The following MYO1D variants were observed in gnomAD, a reference collection of about 807,000 sequenced individuals.
MYO1D encodes unconventional myosin-Id.
Under a neutral mutation model 122.0 loss-of-function variants are expected in MYO1D, and 83 were observed. The ratio of observed to expected loss-of-function variants is 0.68; its 90% confidence interval spans 0.57 to 0.82. MYO1D has a LOEUF of 0.82. Among genes scored for constraint, MYO1D ranks in the 40% least tolerant of loss-of-function variants. MYO1D has a pLI of 0.00. For synonymous variants in MYO1D, 464 were observed against 446.9 expected (o/e 1.04, Z -0.48); for missense variants, 1,157 against 1,269.5 (o/e 0.91, Z 1.35).
chr17:32,659,302 T>C lies in MYO1D; in HGVS notation c.2158A>G (p.Arg720Gly). The change falls in exon 17 of 22, where the codon AGA becomes GGA. Residue 720 changes from arginine (R) to glycine (G), a missense_variant. By Grantham distance (125) the Arg-to-Gly change is moderately radical. Coordinates refer to ENST00000318217, the MANE Select transcript of MYO1D (RefSeq NM_015194.3). ...RGTLARMRYKRTKAALTIIRY... is the reference protein window; with the variant it reads ...RGTLARMRYKGTKAALTIIRY... The stretch of plus-strand genomic sequence containing the variant: ...ATTATTGTCAGAGCTGCCTTGGTTC[T>C]TTTGTACCGCATGCGGGCCAGGGTG... 1 of 1,614,252 alleles carries C rather than the reference T, an allele frequency of 6.2e-7. No individual in the cohort carries two copies. The highest frequency in any genetic ancestry group is 8.5e-7 in the Non-Finnish European group (1 of 1,180,040).
intron 15 of MYO1D, among the ~76,000 whole-genome samples, chr17:32,715,033 GACAT>G (rs1488598686): frequency 6.6e-6 from 1 of 151,826 alleles, no homozygotes; most frequent in Non-Finnish European, 1.5e-5. Flanking sequence ...CTCAAAAAAA[GACAT>G]ACATGCGGCC....
intron 1 of MYO1D, among the ~76,000 whole-genome samples, chr17:32,788,413 T>C (rs2151034393): frequency 6.6e-6 from 1 of 152,210 alleles, no homozygotes; most frequent in East Asian, 1.9e-4. Context: ...ATTTTTATGC[T>C]TTCAGGTCTT....
Position 32,760,565 on chromosome 17 carries a change from C to T in MYO1D, c.1098G>A (p.Lys366=), listed in dbSNP as rs143249475. The T allele has an allele frequency of 9.3e-6, 15 of 1,613,690 alleles. No homozygotes were observed. The highest frequency in any genetic ancestry group is 1.3e-5 in the Non-Finnish European group (15 of 1,179,808). ...VTRINDIIEV[K]NYDTTIHGKN... Reference sequence around the variant, plus strand: ...TCCCATGGATTGTGGTGTCATAGTTCTTGACCTCAATAATATCATTGATGC... The same window carrying T: ...TCCCATGGATTGTGGTGTCATAGTTTTTGACCTCAATAATATCATTGATGC... Residue 366 remains lysine, a synonymous_variant, in exon 9 of 22, where the codon AAG becomes AAA. Transcript: ENST00000318217.
chr17:32,579,242 A>G (rs1027673239), intron 21 of MYO1D, among the ~76,000 whole-genome samples: 1 of 151,646 alleles, frequency 6.6e-6, no homozygotes, highest in Admixed American at 6.6e-5. Context: ...TAATTTTTAA[A>G]TTTTTTTGTA....
At chr17:32,824,288 T>A (rs1257692253) in intron 1 of MYO1D, among the ~76,000 whole-genome samples, 38 of 152,180 alleles carry the variant, frequency 2.5e-4, no homozygotes. Context: ...TCCCAAAATT[T>A]AACTTATAAA....
intron 16 of MYO1D, among the ~76,000 whole-genome samples, chr17:32,694,150 G>A (rs902802960): frequency 3.9e-5 from 6 of 152,086 alleles, no homozygotes; most frequent in African/African-American, 7.2e-5. Flanking sequence ...GAAAATTAAC[G>A]CTTCTTAGTT....
chr17:32,572,437 G>A (rs961607287), intron 21 of MYO1D, among the ~76,000 whole-genome samples: 6 of 152,050 alleles, frequency 3.9e-5, no homozygotes, highest in Non-Finnish European at 7.3e-5. Flanking sequence ...CATAAGTCCT[G>A]TCATTTCTAC....
At chr17:32,854,411 C>G (rs1264001450) in intron 1 of MYO1D, among the ~76,000 whole-genome samples, 1 of 152,184 alleles carries the variant, frequency 6.6e-6, no homozygotes, top group East Asian at 1.9e-4. Flanking sequence ...AGCAAAGTTC[C>G]ACCTGAAATA....
chr17:32,580,288 G>GT (rs1372006715), intron 21 of MYO1D, among the ~76,000 whole-genome samples: 1 of 83,598 alleles, frequency 1.2e-5, no homozygotes, highest in African/African-American at 5.2e-5. Flanking sequence ...CTGCTAAGAG[G>GT]ATTTTTTTTT....
At chr17:32,856,538 C>T (rs1451299479) in intron 1 of MYO1D, among the ~76,000 whole-genome samples, 2 of 152,180 alleles carry the variant, frequency 1.3e-5, no homozygotes, top group African/African-American at 4.8e-5. Flanking sequence ...CTGAGATCAC[C>T]CTAATGAAAG....
intron 16 of MYO1D, among the ~76,000 whole-genome samples, chr17:32,710,832 CA>C (rs1184131531): frequency 6.6e-5 from 10 of 152,042 alleles, no homozygotes; most frequent in African/African-American, 2.4e-4. Context: ...TAATCAAACT[CA>C]AAGGTAATCA....
rs199997871 is a variant in MYO1D at position 32,698,035 on chromosome 17, G to A, written c.2121+13953C>T. ...CTTAGGTTCAAATCCCAGCTCTGGT[G>A]TTTACCGTGTGTGACCTCTGCCAAG... On this transcript the variant is annotated intron_variant, in intron 16 of 21. Transcript: ENST00000318217. Among the ~76,000 whole-genome samples the A allele has an allele frequency of 3.3e-5, 5 of 152,116 alleles. No homozygotes were observed. The East Asian group carries it at 9.6e-4, about 29-fold the overall frequency.
intron 16 of MYO1D, among the ~76,000 whole-genome samples, chr17:32,673,550 G>C (rs1451568232): frequency 6.6e-6 from 1 of 152,156 alleles, no homozygotes; most frequent in Non-Finnish European, 1.5e-5. Flanking sequence ...CATAAACAAA[G>C]GATAACTAAA....
chr17:32,606,647 CA>C (rs2087631378), intron 20 of MYO1D, among the ~76,000 whole-genome samples: 2 of 152,304 alleles, frequency 1.3e-5, no homozygotes, highest in African/African-American at 4.8e-5. Context: ...CAAAATTCAA[CA>C]TCTATCCATG....
chr17:32,610,862 A>C (rs2087691918), intron 20 of MYO1D, among the ~76,000 whole-genome samples: 1 of 152,216 alleles, frequency 6.6e-6, no homozygotes, highest in Non-Finnish European at 1.5e-5. Flanking sequence ...CATAACACAT[A>C]GATGCGTTTC....
intron 15 of MYO1D, among the ~76,000 whole-genome samples, chr17:32,720,237 G>A (rs377605602): frequency 1.3e-5 from 2 of 151,922 alleles, no homozygotes; most frequent in Non-Finnish European, 2.9e-5. Flanking sequence ...TATATGACAT[G>A]GTATCATTAA....
At chr17:32,523,134 C>T (rs1910217037) in intron 21 of MYO1D, among the ~76,000 whole-genome samples, 1 of 152,152 alleles carries the variant, frequency 6.6e-6, no homozygotes, top group East Asian at 1.9e-4. Context: ...TCTTAGACAG[C>T]AGTGCAACTA....
chr17:32,839,297 T>C (rs1402812639), intron 1 of MYO1D, among the ~76,000 whole-genome samples: 1 of 152,292 alleles, frequency 6.6e-6, no homozygotes, highest in South Asian at 2.1e-4. Context: ...GAACCTTATT[T>C]TTCCAAGAGC....
intron 20 of MYO1D, among the ~76,000 whole-genome samples, chr17:32,612,114 C>G (rs1251817381): frequency 6.6e-6 from 1 of 152,006 alleles, no homozygotes; most frequent in Non-Finnish European, 1.5e-5. Context: ...AGTTTTTTTG[C>G]CAGTTGCTGT....
Sources: allele counts gnomAD v4.1 joint callset (sites outside exome capture counted in the v4.1 genomes callset), GRCh38; gene constraint gnomAD v4.1.1; transcripts MANE v1.5; gene names NCBI Gene and HGNC (gene_info 2026-07-23, HGNC 2026-07-21).